Variants in PLAC1 observed in about 807,000 individuals in gnomAD.
PLAC1 encodes the protein placenta associated 1, also known as placenta-specific protein 1.
For synonymous variants in PLAC1, 68 were observed against 62.1 expected (o/e 1.09, Z -0.44); for missense variants, 136 against 163.2 (o/e 0.83, Z 0.91).
intron 1 of PLAC1, among the ~76,000 whole-genome samples, chrX:134,746,014 T>C (rs1280790886): frequency 9.0e-6 from 1 of 111,306 alleles, no homozygotes; most frequent in Non-Finnish European, 1.9e-5. Flanking sequence ...TCTGTTCCCC[T>C]CCCCACCTCT....
At chrX:134,607,806 C>T (rs930259636) in intron 1 of PLAC1, among the ~76,000 whole-genome samples, 1 of 111,027 alleles carries the variant, frequency 9.0e-6, no homozygotes, top group Non-Finnish European at 1.9e-5. Context: ...GAGGGGCAGC[C>T]TCCGGGAGGT....
At chrX:134,654,721 A>G (rs1365618010) in intron 1 of PLAC1, among the ~76,000 whole-genome samples, 2 of 112,102 alleles carry the variant, frequency 1.8e-5, no homozygotes, top group Non-Finnish European at 1.9e-5. Context: ...CACCTCCAAG[A>G]AGGCTCCTGA....
intron 2 of PLAC1, among the ~76,000 whole-genome samples, chrX:134,669,623 GTAGGAGT>G (rs1459865037): frequency 8.9e-6 from 1 of 112,320 alleles, no homozygotes; most frequent in Non-Finnish European, 1.9e-5. Flanking sequence ...TGCAGAATGG[GTAGGAGT>G]TAGGAGAGGG....
intron 2 of PLAC1, among the ~76,000 whole-genome samples, chrX:134,731,187 A>G (rs2078687896): frequency 8.9e-6 from 1 of 112,253 alleles, no homozygotes; most frequent in Admixed American, 9.4e-5. Flanking sequence ...TCTGTGCTAC[A>G]TTGTTTTTAA....
chrX:134,741,043 T>G (rs2078715799), intron 1 of PLAC1, among the ~76,000 whole-genome samples: 1 of 112,631 alleles, frequency 8.9e-6, no homozygotes, highest in South Asian at 3.7e-4. Flanking sequence ...TTTCTTGATC[T>G]GGGTATTGGT....
chrX:134,665,565 A>T lies in PLAC1; in HGVS notation n.175-63443T>A, dbSNP rs202211155. 7.2e-5 allele frequency among the ~76,000 whole-genome samples: 8 copies of T among 111,500 alleles called. No homozygotes were observed. In the East Asian group the frequency reaches 2.3e-3, roughly 31 times the overall value. ...TAGTAGTAACAGCTCCCTTTGATGGAATGCCTCCTTTGTGGCAGGTATTTT... is the reference window on the plus strand; with the variant it reads ...TAGTAGTAACAGCTCCCTTTGATGGTATGCCTCCTTTGTGGCAGGTATTTT... On this transcript the variant is annotated intron_variant and non_coding_transcript_variant, in intron 2 of 2. Coordinates refer to the PLAC1 transcript ENST00000466797.
intron 1 of PLAC1, among the ~76,000 whole-genome samples, chrX:134,756,402 T>C (rs2078757319): frequency 9.1e-6 from 1 of 109,353 alleles, no homozygotes; most frequent in Non-Finnish European, 1.9e-5. Context: ...ATTTTTTAAA[T>C]ATTTTATATA....
At chrX:134,696,949 C>G (rs1399955124) in intron 2 of PLAC1, among the ~76,000 whole-genome samples, 1 of 107,631 alleles carries the variant, frequency 9.3e-6, no homozygotes, top group Non-Finnish European at 1.9e-5. Flanking sequence ...GGAAGAATGG[C>G]GTGAACCCGG....
intron 1 of PLAC1, among the ~76,000 whole-genome samples, chrX:134,737,752 T>C (rs946656067): frequency 8.9e-6 from 1 of 112,529 alleles, no homozygotes; most frequent in Non-Finnish European, 1.9e-5. Context: ...ACGAAAAAGC[T>C]AGTTTGGCTT....
Position 134,710,109 on chromosome X carries a change from A to G in PLAC1, n.174+23326T>C, listed in dbSNP as rs890491945. Among the ~76,000 whole-genome samples the G allele has an allele frequency of 3.1e-4, 35 of 111,960 alleles. No individual in the cohort carries two copies. In the Admixed American group the frequency reaches 3.3e-3, roughly 11 times the overall value. ...TGAAAAAGAAACAGAGTCAAAAAAG[A>G]CATAAAATAAATGCTATAAGTCAAT... On this transcript the variant is annotated intron_variant and non_coding_transcript_variant, in intron 2 of 2. Coordinates refer to the PLAC1 transcript ENST00000466797.
intron 2 of PLAC1, among the ~76,000 whole-genome samples, chrX:134,680,631 G>A (rs934151193): frequency 7.1e-5 from 7 of 97,973 alleles, no homozygotes; most frequent in African/African-American, 1.1e-4. Flanking sequence ...TGATCCCTTC[G>A]TCACTTGTGT....
intron 1 of PLAC1, chrX:134,606,124 C>T (rs1341683244): frequency 2.7e-5 from 3 of 110,125 alleles, no homozygotes; most frequent in African/African-American, 9.9e-5. Flanking sequence ...CACCTGTAGT[C>T]CCAGCTACTC....
intron 2 of PLAC1, among the ~76,000 whole-genome samples, chrX:134,584,852 T>A (rs1324767317): frequency 5.4e-5 from 6 of 111,049 alleles, no homozygotes; most frequent in Admixed American, 1.9e-4. Flanking sequence ...GAATCCTGGA[T>A]TATTTATCTC....
chrX:134,697,351 C>T (rs1158258641), intron 2 of PLAC1, among the ~76,000 whole-genome samples: 1 of 110,655 alleles, frequency 9.0e-6, no homozygotes, highest in East Asian at 2.8e-4. Flanking sequence ...AATGTATGGT[C>T]ATTGTAAAAA....
intron 2 of PLAC1, among the ~76,000 whole-genome samples, chrX:134,729,296 G>A (rs749668073): frequency 9.0e-6 from 1 of 111,721 alleles, no homozygotes; most frequent in Non-Finnish European, 1.9e-5. Flanking sequence ...CATTGTACCC[G>A]GCACACAGGC....
At chrX:134,653,396 T>A (rs1339956877) in intron 1 of PLAC1, among the ~76,000 whole-genome samples, 1 of 112,432 alleles carries the variant, frequency 8.9e-6, no homozygotes, top group Non-Finnish European at 1.9e-5. Context: ...AAATTAGAGA[T>A]CCTGTCTTTA....
intron 2 of PLAC1, among the ~76,000 whole-genome samples, chrX:134,705,424 A>G (rs1053326042): frequency 1.8e-5 from 2 of 108,846 alleles, no homozygotes; most frequent in East Asian, 2.8e-4. Flanking sequence ...CTCAAAAAAA[A>G]AAAAAAAAAA....
chrX:134,612,297 C>A (rs1374547793), intron 1 of PLAC1, among the ~76,000 whole-genome samples: 2 of 111,900 alleles, frequency 1.8e-5, no homozygotes, highest in African/African-American at 3.3e-5. Flanking sequence ...TGGAGGACAA[C>A]AATAGTACCT....
intron 1 of PLAC1, among the ~76,000 whole-genome samples, chrX:134,630,581 G>A (rs887999934): frequency 9.0e-6 from 1 of 111,695 alleles, no homozygotes; most frequent in African/African-American, 3.3e-5. Context: ...GTCACAGTGG[G>A]GATTTAAGGG....
Sources: allele counts gnomAD v4.1 joint callset (sites outside exome capture counted in the v4.1 genomes callset), GRCh38; gene constraint gnomAD v4.1.1; transcripts MANE v1.5; gene names NCBI Gene and HGNC (gene_info 2026-07-23, HGNC 2026-07-21).